The following RXYLT1 variants were observed in gnomAD, a reference collection of about 807,000 sequenced individuals.
The protein encoded by RXYLT1 is ribitol-5-phosphate xylosyltransferase 1.
In RXYLT1, 41 loss-of-function variants were observed where a neutral mutation model predicts 43.5. The observed-to-expected ratio is 0.94, with a 90% CI of 0.73 to 1.22. The LOEUF is 1.22. RXYLT1 is among the 50% of genes most tolerant of loss of function. The probability of loss-of-function intolerance (pLI) is 0.00; values close to 1 mark genes in which losing one functional copy is unlikely to be tolerated. For missense variants in RXYLT1, 514 were observed against 532.0 expected (o/e 0.97, Z 0.33); for synonymous variants, 166 against 194.4 (o/e 0.85, Z 1.21).
intron 3 of RXYLT1, among the ~76,000 whole-genome samples, chr12:63,799,294 TTTC>T (rs1473651178): frequency 1.4e-5 from 2 of 139,194 alleles, no homozygotes; most frequent in East Asian, 4.4e-4. Flanking sequence ...TTGTTTTTCT[TTTC>T]TTTTCTTTTT....
intron 3 of RXYLT1, among the ~76,000 whole-genome samples, chr12:63,796,873 C>T (rs1443918934): frequency 6.7e-6 from 1 of 148,512 alleles, no homozygotes; most frequent in Non-Finnish European, 1.5e-5. Flanking sequence ...ATAGTCCTGT[C>T]GATAAAAAAA....
chr12:63,807,898 C>T (rs7967092), intron 5 of RXYLT1: 6,349 of 152,438 alleles, frequency 0.042, 247 homozygotes, highest in East Asian at 0.18. Context: ...TCAGTTTCTA[C>T]CCTTGCCCCT....
chr12:63,783,186 C>G (rs1897723958), intron 2 of RXYLT1, among the ~76,000 whole-genome samples: 1 of 152,222 alleles, frequency 6.6e-6, no homozygotes, highest in Non-Finnish European at 1.5e-5. Flanking sequence ...ATATTCTAGG[C>G]ATGGCGTCTC....
chr12:63,805,499 T>G, intron 5 of RXYLT1, 95 bp downstream of exon 5: 1 of 1,226,582 alleles, frequency 8.2e-7, no homozygotes, highest in African/African-American at 1.5e-5. Flanking sequence ...CATTGTTAAC[T>G]CTATTTGTAC....
chr12:63,784,033 AG>A (rs1219598171), intron 2 of RXYLT1, among the ~76,000 whole-genome samples: 6 of 152,180 alleles, frequency 3.9e-5, no homozygotes, highest in African/African-American at 1.4e-4. Flanking sequence ...GAGATTACAT[AG>A]GGCCCACCTA....
Position 63,800,936 on chromosome 12 carries a change from G to A in RXYLT1, c.429-1155G>A, listed in dbSNP as rs574210117. On this transcript the variant is annotated intron_variant, in intron 3 of 5. Transcript: ENST00000261234. ...ACTCTGTCTCAAAAAAAAAAAAAATGGTAATACAACACATTCCCATTTACT... is the reference window on the plus strand; with the variant it reads ...ACTCTGTCTCAAAAAAAAAAAAAATAGTAATACAACACATTCCCATTTACT... 8.6e-5 allele frequency among the ~76,000 whole-genome samples: 13 copies of A among 150,966 alleles called. No individual in the cohort carries two copies. The East Asian group carries it at 1.9e-3, about 23-fold the overall frequency.
chr12:63,792,982 C>T (rs1285016935), intron 3 of RXYLT1, among the ~76,000 whole-genome samples: 1 of 152,182 alleles, frequency 6.6e-6, no homozygotes, highest in Non-Finnish European at 1.5e-5. Flanking sequence ...TCATAGCATA[C>T]TACAGCCTCT....
At chr12:63,794,606 A>G (rs757167378) in intron 3 of RXYLT1, among the ~76,000 whole-genome samples, 40 of 152,116 alleles carry the variant, frequency 2.6e-4, no homozygotes, top group Admixed American at 2.4e-3. Context: ...ATTTATTTGT[A>G]AAGTTATTAA....
intron 1 of RXYLT1, 71 bp from the exon 2 acceptor site, chr12:63,780,943 CTTAAT>C: frequency 8.1e-7 from 1 of 1,241,130 alleles, no homozygotes; most frequent in Non-Finnish European, 1.1e-6. Context: ...AGAACTAACA[CTTAAT>C]TTAAATGATT....
chr12:63,780,462 G>T, intron 1 of RXYLT1: 2 of 1,152,010 alleles, frequency 1.7e-6, no homozygotes, highest in Non-Finnish European at 2.1e-6. Flanking sequence ...ATCGCCGCAA[G>T]GTTTAAGACA....
rs1187440921 is a variant in RXYLT1 at position 63,809,052 on chromosome 12, A to T, written c.1292A>T (p.Asn431Ile). 6.4e-7 allele frequency: 1 copy of T among 1,567,478 alleles called. No homozygotes were observed. Among genetic ancestry groups the T allele is most frequent in the African/African-American group, 1.4e-5 (1 of 72,328 alleles). ...FKTELKMKFT[N>I]ILESSFLMNN... ...ACAGAGCTTAAAATGAAATTTACTAATATTTTAGAAAGCTCATTTTTAATG... is the reference window on the plus strand; with the variant it reads ...ACAGAGCTTAAAATGAAATTTACTATTATTTTAGAAAGCTCATTTTTAATG... Residue 431 changes from asparagine to isoleucine, a missense_variant, in exon 6 of 6, where the codon AAT (asparagine) becomes ATT (isoleucine). Coordinates refer to ENST00000261234, the MANE Select transcript of RXYLT1 (RefSeq NM_014254.3).
chr12:63,795,195 G>C (rs1004877355), intron 3 of RXYLT1, among the ~76,000 whole-genome samples: 9 of 151,954 alleles, frequency 5.9e-5, no homozygotes, highest in African/African-American at 2.2e-4. Flanking sequence ...TGGAAGGATA[G>C]CTTGAGCCTG....
chr12:63,797,885 AT>A (rs1375107261), intron 3 of RXYLT1, among the ~76,000 whole-genome samples: 2 of 152,122 alleles, frequency 1.3e-5, no homozygotes, highest in Admixed American at 6.5e-5. Flanking sequence ...TTTGAGAAAT[AT>A]TTAGGAGCAA....
At position 63,781,081 on chromosome 12, in the gene RXYLT1, C is replaced by A; in HGVS notation, c.232C>A (p.Gln78Lys). 1 of 1,609,442 alleles carries A rather than the reference C, an allele frequency of 6.2e-7. No individual in the cohort carries two copies. Among genetic ancestry groups the A allele is most frequent in the Non-Finnish European group, 8.5e-7 (1 of 1,178,272 alleles). ...GGAAGGAGATGAAAAAAATGAGCAA[C>A]AACACAGATTTAAAACTAGCCTTCA... ...PWEGDEKNEQ[Q>K]HRFKTSLQIL... The change falls in exon 2 of 6, where the codon CAA (glutamine) becomes AAA (lysine). Residue 78 changes from glutamine to lysine, a missense_variant. By Grantham distance (53) the Gln-to-Lys change is moderately conservative (BLOSUM62 1). Transcript: ENST00000261234.
chr12:63,805,556 C>A, intron 5 of RXYLT1, 152 bp downstream of exon 5: 6 of 695,434 alleles, frequency 8.6e-6, no homozygotes, highest in Non-Finnish European at 1.3e-5. Context: ...TGTGAAAAGA[C>A]TGGGTTGTAC....
chr12:63,808,423 AATT>A, intron 5 of RXYLT1: 1 of 469,432 alleles, frequency 2.1e-6, no homozygotes, highest in East Asian at 4.4e-5. Flanking sequence ...GTATCGGTTG[AATT>A]ATTATTATCC....
In RXYLT1 at chr12:63,781,204, A is replaced by T. The variant is rs754814698; in HGVS notation, c.325+30A>T. Reference sequence around the variant, plus strand: ...GTTAATACGTAGAAGGAAGACATGTAAAAAGCATTATAAAATGTATTTTAT... The same window carrying T: ...GTTAATACGTAGAAGGAAGACATGTTAAAAGCATTATAAAATGTATTTTAT... On this transcript the variant is annotated intron_variant, in intron 2 of 5. Coordinates refer to ENST00000261234, the MANE Select transcript of RXYLT1 (RefSeq NM_014254.3). The T allele has an allele frequency of 3.5e-6, 5 of 1,417,342 alleles. No homozygotes were observed. The East Asian group carries it at 1.3e-4, about 37-fold the overall frequency. 87.8% of individuals were successfully genotyped at this position (1,417,342 alleles called of 1,614,324 possible).
In RXYLT1 at chr12:63,808,957, G is replaced by C; in HGVS notation, c.1197G>C (p.Glu399Asp). Reference sequence around the variant, plus strand: ...AACTCCCTGCTGTTTTAGAAAAAGAGAAAACTATAATTTTACAAGAAAAAA... The same window carrying C: ...AACTCCCTGCTGTTTTAGAAAAAGACAAAACTATAATTTTACAAGAAAAAA... ...WKELPAVLEK[E>D]KTIILQEKIE... The change falls in exon 6 of 6, where the codon GAG becomes GAC. Residue 399 changes from glutamate (E) to aspartate (D), a missense_variant. By Grantham distance (45) the Glu-to-Asp change is conservative (BLOSUM62 2). Transcript: ENST00000261234. 1 of 1,613,410 alleles carries C rather than the reference G, an allele frequency of 6.2e-7. No individual in the cohort carries two copies. Among genetic ancestry groups the C allele is most frequent in the Non-Finnish European group, 8.5e-7 (1 of 1,179,864 alleles).
chr12:63,781,136 CAG>C lies in RXYLT1; in HGVS notation c.289_290del (p.Asp97SerfsTer21). ...TTAGATAAATCCACGAAAGGAAAAA[CAG>C]ATCTCAGTGTACAAATCTGGGGCAA... On this transcript the variant is annotated frameshift_variant, in exon 2 of 6. Transcript: ENST00000261234. LOFTEE classifies it high-confidence loss of function. 1.2e-6 allele frequency: 2 copies of C among 1,604,752 alleles called. No individual in the cohort carries two copies. Among genetic ancestry groups the C allele is most frequent in the Non-Finnish European group, 1.7e-6 (2 of 1,176,316 alleles).
Sources: allele counts gnomAD v4.1 joint callset (sites outside exome capture counted in the v4.1 genomes callset), GRCh38; gene constraint gnomAD v4.1.1; transcripts MANE v1.5; gene names NCBI Gene and HGNC (gene_info 2026-07-23, HGNC 2026-07-21).